HSD17B4: variants seen among roughly 807,000 people sequenced by gnomAD.
HSD17B4 encodes peroxisomal multifunctional enzyme type 2.
HSD17B4 carries 70 observed loss-of-function variants against 101.0 expected under a neutral mutation model. The ratio of observed to expected loss-of-function variants is 0.69; its 90% confidence interval spans 0.57 to 0.85. The LOEUF (loss-of-function observed/expected upper bound fraction) is 0.85, where lower values mean the gene tolerates loss of function less well. Among genes scored for constraint, HSD17B4 ranks in the 40% least tolerant of loss-of-function variants. HSD17B4 has a pLI of 0.00. For missense variants in HSD17B4, 984 were observed against 892.4 expected (o/e 1.10, Z -1.31); for synonymous variants, 347 against 297.1 (o/e 1.17, Z -1.73).
Position 119,489,413 on chromosome 5 carries a change from A to G in HSD17B4, c.714+130A>G, listed in dbSNP as rs1580594057. The G allele has an allele frequency of 2.0e-5, 14 of 684,852 alleles. No individual in the cohort carries two copies. In the East Asian group the frequency reaches 3.6e-4, roughly 17 times the overall value. The allele number at this position is 684,852 out of a possible 1,614,324, so 42.4% of individuals were successfully genotyped here. A position where few individuals can be genotyped will look rare whatever the true frequency, so the allele number is the denominator to read the frequency against. On this transcript the variant is annotated intron_variant, in intron 9 of 23. Coordinates refer to ENST00000510025, the MANE Select transcript of HSD17B4 (RefSeq NM_000414.4). ...TATGTTATAATTAAAAGTGTTGACT[A>G]ATATCCATTTTTTGGAAAGTAATAG...
intron 9 of HSD17B4, among the ~76,000 whole-genome samples, chr5:119,489,744 T>G (rs949281095): frequency 6.6e-6 from 1 of 152,186 alleles, no homozygotes; most frequent in Non-Finnish European, 1.5e-5. Flanking sequence ...ACCACCAATT[T>G]TAATTATCAG....
At chr5:119,489,465 A>C (rs1426762888) in intron 9 of HSD17B4, among the ~76,000 whole-genome samples, 182 bp downstream of exon 9, 1 of 152,170 alleles carries the variant, frequency 6.6e-6, no homozygotes, top group African/African-American at 2.4e-5. Context: ...GTTTTTACTT[A>C]GTTCTACATT....
At chr5:119,461,766 T>G (rs917077797) in intron 2 of HSD17B4, among the ~76,000 whole-genome samples, 1 of 150,322 alleles carries the variant, frequency 6.7e-6, no homozygotes. Flanking sequence ...ATGCCTGTAG[T>G]CTTAGCTACT....
rs1748383506 is a variant in HSD17B4 at position 119,474,479 on chromosome 5, AT to A, written c.280+20del. 6.5e-7 allele frequency: 1 copy of A among 1,541,332 alleles called. No homozygotes were observed. The highest frequency in any genetic ancestry group is 9.0e-7 in the Non-Finnish European group (1 of 1,113,730). Reference sequence around the variant, plus strand: ...AGAATAGGTGATGTTTCTTTGTGTTATGGCTCTTGTGGAGCAACTTCTACCT... The same window carrying A: ...AGAATAGGTGATGTTTCTTTGTGTTAGGCTCTTGTGGAGCAACTTCTACCT... On this transcript the variant is annotated intron_variant, in intron 4 of 23. Coordinates refer to ENST00000510025, the MANE Select transcript of HSD17B4 (RefSeq NM_000414.4).
intron 7 of HSD17B4, 129 bp from the exon 8 acceptor site, chr5:119,478,705 G>A: frequency 1.5e-6 from 1 of 655,934 alleles, no homozygotes. Context: ...CATAAATCAT[G>A]ATCGTAAGAA....
chr5:119,458,345 A>ATT (rs535781631), intron 2 of HSD17B4, among the ~76,000 whole-genome samples: 3 of 140,492 alleles, frequency 2.1e-5, no homozygotes, highest in Admixed American at 7.1e-5. Context: ...ACACACACTA[A>ATT]TTTTTTTTTT....
At chr5:119,496,365 A>T (rs1281532797) in intron 11 of HSD17B4, among the ~76,000 whole-genome samples, 178 bp from the exon 12 acceptor site, 7 of 152,192 alleles carry the variant, frequency 4.6e-5, no homozygotes. Context: ...GGCCTATTTC[A>T]GTCTTTCGCA....
intron 1 of HSD17B4, chr5:119,452,960 C>A: frequency 1.0e-6 from 1 of 997,732 alleles, no homozygotes; most frequent in South Asian, 1.4e-5. Context: ...GATTGTTACT[C>A]TTCCTGCAAT....
At chr5:119,536,702 G>T (rs1206514735) in intron 23 of HSD17B4, 152 bp downstream of exon 23, 4 of 708,116 alleles carry the variant, frequency 5.6e-6, no homozygotes, top group Non-Finnish European at 9.8e-6. Flanking sequence ...CTGGTTGACA[G>T]GTCATATATT....
intron 16 of HSD17B4, 157 bp downstream of exon 16, chr5:119,509,401 TTCTTCCTCCTCC>T (rs774759421): frequency 2.5e-5 from 18 of 706,192 alleles, no homozygotes; most frequent in Middle Eastern, 3.4e-4. Context: ...CCAGTCCCTC[TTCTTCCTCCTCC>T]TCTTCCTCCT....
In HSD17B4 at chr5:119,454,848, C is replaced by T. The variant is rs141051776; in HGVS notation, c.59-1467C>T. Among the ~76,000 whole-genome samples, 42 of 152,176 alleles carry T rather than the reference C, an allele frequency of 2.8e-4. 1 individual carries two copies. In the East Asian group the frequency reaches 8.1e-3, roughly 29 times the overall value. On this transcript the variant is annotated intron_variant, in intron 1 of 23. Coordinates refer to ENST00000510025, the MANE Select transcript of HSD17B4 (RefSeq NM_000414.4). Reference sequence around the variant, plus strand: ...TGTTGGCCAGGCTGGTCTTGAACTCCAGACCTCAAATGATCCGCCCACCTC... The same window carrying T: ...TGTTGGCCAGGCTGGTCTTGAACTCTAGACCTCAAATGATCCGCCCACCTC...
intron 2 of HSD17B4, among the ~76,000 whole-genome samples, chr5:119,457,976 G>A (rs780987556): frequency 3.3e-5 from 5 of 152,108 alleles, no homozygotes; most frequent in Admixed American, 2.6e-4. Flanking sequence ...GTGTGTTCCT[G>A]TGCATCAATT....
chr5:119,512,213 A>G (rs2126825058), intron 16 of HSD17B4, among the ~76,000 whole-genome samples: 1 of 152,312 alleles, frequency 6.6e-6, no homozygotes, highest in African/African-American at 2.4e-5. Context: ...AGAGCCTTAG[A>G]GAAAGATGGA....
intron 14 of HSD17B4, among the ~76,000 whole-genome samples, chr5:119,503,271 G>T (rs527677803): frequency 1.3e-5 from 2 of 152,032 alleles, no homozygotes; most frequent in African/African-American, 4.8e-5. Flanking sequence ...TGCCGTTAGG[G>T]ATTTTAAAAT....
intron 16 of HSD17B4, 125 bp from the exon 17 acceptor site, chr5:119,514,856 A>G (rs999265130): frequency 2.9e-6 from 2 of 684,182 alleles, no homozygotes; most frequent in African/African-American, 1.8e-5. Flanking sequence ...ATTTTTTTTA[A>G]ACCCTTTTAT....
intron 8 of HSD17B4, among the ~76,000 whole-genome samples, chr5:119,480,252 GT>G (rs1443468971): frequency 6.6e-6 from 1 of 151,932 alleles, no homozygotes; most frequent in Non-Finnish European, 1.5e-5. Context: ...TCAGATATAT[GT>G]TTTAGAAATT....
At chr5:119,483,028 C>G (rs763798369) in intron 8 of HSD17B4, among the ~76,000 whole-genome samples, 1 of 151,966 alleles carries the variant, frequency 6.6e-6, no homozygotes, top group Non-Finnish European at 1.5e-5. Flanking sequence ...CAGAGCAGGC[C>G]TTAAGTAGAA....
At chr5:119,503,083 T>C (rs1029094080) in intron 14 of HSD17B4, among the ~76,000 whole-genome samples, 1 of 140,050 alleles carries the variant, frequency 7.1e-6, no homozygotes, top group African/African-American at 2.6e-5. Flanking sequence ...AAATTGTGTG[T>C]GTGTGTGTGT....
At chr5:119,522,441 T>C (rs1362885288) in intron 17 of HSD17B4, among the ~76,000 whole-genome samples, 1 of 152,222 alleles carries the variant, frequency 6.6e-6, no homozygotes, top group Non-Finnish European at 1.5e-5. Context: ...ATCCTTTGGG[T>C]ATATACCCAG....
Sources: gnomAD v4.1 joint callset for allele counts (sites outside exome capture counted in the v4.1 genomes callset) on GRCh38, gnomAD v4.1.1 for gene constraint, MANE v1.5 for transcripts, NCBI Gene and HGNC (gene_info 2026-07-23, HGNC 2026-07-21) for gene names.